The following DDX31 variants were observed in gnomAD, a reference collection of about 807,000 sequenced individuals.
DDX31 encodes ATP-dependent DNA helicase DDX31.
A neutral mutation model predicts 91.3 loss-of-function variants in DDX31; 70 were observed. That is an observed-to-expected ratio of 0.77 (90% CI 0.63 to 0.94). The LOEUF (loss-of-function observed/expected upper bound fraction) is 0.94. Among genes scored for constraint, DDX31 ranks in the 40% least tolerant of loss-of-function variants. DDX31 has a pLI of 0.00. For missense variants in DDX31, 902 were observed against 925.0 expected (o/e 0.98, Z 0.32); for synonymous variants, 362 against 350.6 (o/e 1.03, Z -0.36).
rs773334314 is a variant in DDX31 at position 132,595,716 on chromosome 9, C to A, written c.1995-604G>T. 2.6e-5 allele frequency among the ~76,000 whole-genome samples: 4 copies of A among 152,196 alleles called. No individual in the cohort carries two copies. The highest frequency in any genetic ancestry group is 5.9e-5 in the Non-Finnish European group (4 of 68,040). ...TACAAAACCCAAACCCAGGGCACAG[C>A]CTGGTCAATGTCTGCATCTAGGATT... is the stretch of plus-strand genomic sequence containing the variant. On this transcript the variant is annotated intron_variant, in intron 19 of 19. Coordinates refer to ENST00000372159, the MANE Select transcript of DDX31 (RefSeq NM_022779.9). This position sits in a 1 kb window ranked among gnomAD's most constrained non-coding sequence, Gnocchi z 4.6.
chr9:132,618,467 G>C lies in DDX31; in HGVS notation c.1714-26C>G, dbSNP rs202001538. The C allele has an allele frequency of 1.4e-5, 22 of 1,591,670 alleles. No homozygotes were observed. In the Admixed American group the frequency reaches 2.2e-4, roughly 16 times the overall value. ...CTGAGAGGGCGACGGAAGGATTAAAGGAGAGATAGAGTCAAGGTCAGGAAT... is the reference window on the plus strand; with the variant it reads ...CTGAGAGGGCGACGGAAGGATTAAACGAGAGATAGAGTCAAGGTCAGGAAT... On this transcript the variant is annotated intron_variant, in intron 17 of 19. Coordinates refer to ENST00000372159, the MANE Select transcript of DDX31 (RefSeq NM_022779.9).
At chr9:132,612,029 CACAT>C in intron 19 of DDX31, 54 bp downstream of exon 19, 1 of 1,569,272 alleles carries the variant, frequency 6.4e-7, no homozygotes, top group South Asian at 1.2e-5. Flanking sequence ...GCTAGCACAT[CACAT>C]CATGTGAACG....
chr9:132,645,375 C>T (rs1297005252), intron 13 of DDX31, among the ~76,000 whole-genome samples: 1 of 152,182 alleles, frequency 6.6e-6, no homozygotes, highest in Non-Finnish European at 1.5e-5. Context: ...CCCTTTGGTT[C>T]ACGGTACCCT....
intron 17 of DDX31, among the ~76,000 whole-genome samples, chr9:132,621,051 C>G (rs1831998184): frequency 6.6e-6 from 1 of 152,146 alleles, no homozygotes; most frequent in African/African-American, 2.4e-5. Context: ...AGCAACGGCT[C>G]CTTTGTTGGG....
chr9:132,645,317 T>C (rs1833755202), intron 13 of DDX31, among the ~76,000 whole-genome samples: 2 of 152,198 alleles, frequency 1.3e-5, no homozygotes, highest in Non-Finnish European at 2.9e-5. Context: ...TTCTTCTTCC[T>C]GAACAGAAAT....
At position 132,626,320 on chromosome 9, in the gene DDX31, C is replaced by T. The variant is rs544026158; in HGVS notation, c.1632-575G>A. 7.2e-5 allele frequency among the ~76,000 whole-genome samples: 11 copies of T among 152,326 alleles called. 1 individual carries two copies. The highest frequency in any genetic ancestry group is 1.9e-4 in the East Asian group (1 of 5,174). ...CTGATGGGTGAAGACCAAAGGATCT[C>T]TAACGAAGCCGGAGCTGTGTGCCAA... On this transcript the variant is annotated intron_variant, in intron 16 of 19. Coordinates refer to ENST00000372159, the MANE Select transcript of DDX31 (RefSeq NM_022779.9).
At chr9:132,614,289 C>T (rs1831510137) in intron 18 of DDX31, among the ~76,000 whole-genome samples, 1 of 152,090 alleles carries the variant, frequency 6.6e-6, no homozygotes, top group Non-Finnish European at 1.5e-5. Context: ...TAAATCTGTG[C>T]TTACTCCCCT....
intron 19 of DDX31, among the ~76,000 whole-genome samples, chr9:132,608,590 T>C (rs1383713620): frequency 6.6e-6 from 1 of 152,158 alleles, no homozygotes; most frequent in Non-Finnish European, 1.5e-5. Flanking sequence ...GTTAGTCTGA[T>C]GGATTTGGTT....
chr9:132,654,716 C>T (rs1413739555), intron 6 of DDX31, among the ~76,000 whole-genome samples: 10 of 151,496 alleles, frequency 6.6e-5, no homozygotes, highest in East Asian at 3.9e-4. Context: ...GAGGCCAAGG[C>T]GGGTGGATCA....
chr9:132,626,046 A>G lies in DDX31; in HGVS notation c.1632-301T>C, dbSNP rs112872016. 5.8e-4 allele frequency among the ~76,000 whole-genome samples: 88 copies of G among 152,252 alleles called. 1 individual carries two copies. The highest frequency in any genetic ancestry group is 1.9e-3 in the African/African-American group (81 of 41,562). On this transcript the variant is annotated intron_variant, in intron 16 of 19. Transcript: ENST00000372159. Reference sequence around the variant, plus strand: ...TTTCTTAATAAATCTTGAATACCAAATAAGTGTGCCCACTCACTGATCCAC... The same window carrying G: ...TTTCTTAATAAATCTTGAATACCAAGTAAGTGTGCCCACTCACTGATCCAC...
At chr9:132,605,606 TACC>T (rs1234431787) in intron 19 of DDX31, among the ~76,000 whole-genome samples, 2 of 152,128 alleles carry the variant, frequency 1.3e-5, no homozygotes, top group East Asian at 3.9e-4. Context: ...CACATACAAA[TACC>T]ACAAGCAGAT....
At chr9:132,606,345 C>T (rs1282682585) in intron 19 of DDX31, among the ~76,000 whole-genome samples, 1 of 152,162 alleles carries the variant, frequency 6.6e-6, no homozygotes, top group Non-Finnish European at 1.5e-5. Flanking sequence ...GAGAATATTG[C>T]TTTACAGGGA....
At chr9:132,643,199 C>T (rs1833606683) in intron 13 of DDX31, among the ~76,000 whole-genome samples, 1 of 152,052 alleles carries the variant, frequency 6.6e-6, no homozygotes, top group East Asian at 1.9e-4. Flanking sequence ...TTAATTACTC[C>T]CTTAGGTTAA....
At chr9:132,623,204 C>T (rs1294854270) in intron 17 of DDX31, among the ~76,000 whole-genome samples, 10 of 151,772 alleles carry the variant, frequency 6.6e-5, no homozygotes, top group East Asian at 3.9e-4. Flanking sequence ...AATCCTCTGA[C>T]GTCCTTAAAA....
intron 14 of DDX31, among the ~76,000 whole-genome samples, chr9:132,639,283 C>T (rs1833335128): frequency 6.6e-6 from 1 of 152,024 alleles, no homozygotes; most frequent in South Asian, 2.1e-4. Flanking sequence ...TGGGAACCGG[C>T]CCTCCTGTTC....
intron 1 of DDX31, among the ~76,000 whole-genome samples, chr9:132,668,833 G>A (rs1835499636): frequency 6.6e-6 from 1 of 152,212 alleles, no homozygotes; most frequent in African/African-American, 2.4e-5. Context: ...CTCCCAAAGT[G>A]CTGGGATTAC....
rs1038006123 is a variant in DDX31, at chr9:132,623,888, C to T, written c.1713+1776G>A. ...AACATTAAAAAAGAAACCAAAAGGC[C>T]GGCTACGGTGGCTCACACCTGTAAT... On this transcript the variant is annotated intron_variant, in intron 17 of 19. Transcript: ENST00000372159. Among the ~76,000 whole-genome samples, 6 of 152,200 alleles carry T rather than the reference C, an allele frequency of 3.9e-5. No individual in the cohort carries two copies. The South Asian group carries it at 6.2e-4, about 16-fold the overall frequency.
intron 14 of DDX31, among the ~76,000 whole-genome samples, chr9:132,632,983 T>G (rs543584031): frequency 2.0e-4 from 31 of 152,254 alleles, no homozygotes; most frequent in African/African-American, 7.2e-4. Flanking sequence ...AGAATAACAG[T>G]CGTAACAAGA....
At chr9:132,623,781 C>T (rs1832208972) in intron 17 of DDX31, among the ~76,000 whole-genome samples, 1 of 152,040 alleles carries the variant, frequency 6.6e-6, no homozygotes, top group African/African-American at 2.4e-5. Flanking sequence ...CACTCTGCTA[C>T]ACTGCCTCCT....
Sources: allele counts gnomAD v4.1 joint callset (sites outside exome capture counted in the v4.1 genomes callset), GRCh38; gene constraint gnomAD v4.1.1; non-coding constraint Gnocchi (gnomAD v3.1); transcripts MANE v1.5; gene names NCBI Gene and HGNC (gene_info 2026-07-23, HGNC 2026-07-21).